Variants in PCDHA6 observed in about 807,000 individuals in gnomAD.
PCDHA6 encodes the protein protocadherin alpha 6, also known as protocadherin alpha-6.
Under a neutral mutation model 60.3 loss-of-function variants are expected in PCDHA6, and 55 were observed. The observed-to-expected ratio is 0.91, with a 90% CI of 0.73 to 1.14. PCDHA6 has a LOEUF of 1.14. PCDHA6 is among the 50% of genes most tolerant of loss of function. The pLI is 0.00. For missense variants in PCDHA6, 1,327 were observed against 1,256.5 expected, an observed-to-expected ratio of 1.06 and a Z score of -0.85; for synonymous variants, 652 against 557.9, an observed-to-expected ratio of 1.17 and a Z score of -2.38.
At chr5:140,895,339 T>C (rs1331642230) in intron 1 of PCDHA6, among the ~76,000 whole-genome samples, 3 of 152,196 alleles carry the variant, frequency 2.0e-5, no homozygotes, top group African/African-American at 4.8e-5. Context: ...ATTGTTTTAC[T>C]ATGCTTTCCA....
At chr5:140,870,720 G>T (rs544150374) in intron 1 of PCDHA6, 8 of 1,613,202 alleles carry the variant, frequency 5.0e-6, no homozygotes, top group Non-Finnish European at 6.8e-6. Flanking sequence ...CGCGCGATGC[G>T]GGCGTGCCGC....
At chr5:141,008,015 T>C (rs2098356412) in intron 3 of PCDHA6, among the ~76,000 whole-genome samples, 1 of 152,088 alleles carries the variant, frequency 6.6e-6, no homozygotes. Flanking sequence ...TTCTGTTTCC[T>C]TTTTTTTCTT....
chr5:140,936,151 C>T (rs947807537), intron 1 of PCDHA6, among the ~76,000 whole-genome samples: 66 of 152,246 alleles, frequency 4.3e-4, no homozygotes, highest in African/African-American at 1.5e-3. Context: ...CCTTGGCCTC[C>T]TAAAGTGCTG....
chr5:140,894,821 C>A (rs1303468240), intron 1 of PCDHA6, among the ~76,000 whole-genome samples: 1 of 151,806 alleles, frequency 6.6e-6, no homozygotes, highest in African/African-American at 2.4e-5. Flanking sequence ...TCAGATTTGC[C>A]CATAATCCTT....
rs1432182351 is a variant in PCDHA6 at position 140,843,140 on chromosome 5, C to T, written c.2394+12655C>T. 4 of 1,596,022 alleles carry T rather than the reference C, an allele frequency of 2.5e-6. No homozygotes were observed. The East Asian group carries it at 8.9e-5, about 36-fold the overall frequency. On this transcript the variant is annotated intron_variant, in intron 1 of 3. Transcript: ENST00000529310. The stretch of plus-strand genomic sequence containing the variant: ...CGCCGACTCGGGCTACAACGCGTGG[C>T]TTTCGTATGAGCTGCAGCCAGCTGC...
At chr5:140,876,808 G>T in intron 1 of PCDHA6, 1 of 1,614,222 alleles carries the variant, frequency 6.2e-7, no homozygotes, top group Non-Finnish European at 8.5e-7. Flanking sequence ...CGTGGAGGTG[G>T]CCGACGTGAA....
chr5:140,993,033 T>C (rs1315226376), intron 3 of PCDHA6, among the ~76,000 whole-genome samples: 2 of 152,158 alleles, frequency 1.3e-5, no homozygotes, highest in African/African-American at 4.8e-5. Context: ...GTGGGCTCCG[T>C]GTGTCATCAA....
At chr5:140,883,911 A>G (rs2059884661) in intron 1 of PCDHA6, 2 of 1,613,034 alleles carry the variant, frequency 1.2e-6, no homozygotes, top group Non-Finnish European at 8.5e-7. Flanking sequence ...CTGGGCAGCA[A>G]CGTGACGCTG....
In PCDHA6 at chr5:140,836,084, G is replaced by A. The variant is rs141420166; in HGVS notation, c.2394+5599G>A. On this transcript the variant is annotated intron_variant, in intron 1 of 3. Transcript: ENST00000529310. Reference sequence around the variant, plus strand: ...ACGACAACGCGCCGGCACTGCTGGCGCCTCGGGTGGGTGGCACTGGTGGCG... The same window carrying A: ...ACGACAACGCGCCGGCACTGCTGGCACCTCGGGTGGGTGGCACTGGTGGCG... The A allele has an allele frequency of 2.8e-5, 45 of 1,613,684 alleles. 1 individual carries two copies. The highest frequency in any genetic ancestry group is 3.6e-5 in the Non-Finnish European group (43 of 1,179,784).
intron 1 of PCDHA6, among the ~76,000 whole-genome samples, chr5:140,837,994 C>A (rs1460349736): frequency 2.0e-5 from 3 of 150,494 alleles, no homozygotes. Context: ...TTCATCTTTC[C>A]TTTTTTTTAA....
rs1013599044 is a variant in PCDHA6, at chr5:140,900,058, C to T, written c.2394+69573C>T. ...TTCCTGGGCTCAAGTGATCCTTTAACCTCAGCCTCCAAAAGTGCTGCAGTT... is the reference window on the plus strand; with the variant it reads ...TTCCTGGGCTCAAGTGATCCTTTAATCTCAGCCTCCAAAAGTGCTGCAGTT... On this transcript the variant is annotated intron_variant, in intron 1 of 3. Coordinates refer to ENST00000529310, the MANE Select transcript of PCDHA6 (RefSeq NM_018909.4). Among the ~76,000 whole-genome samples the T allele has an allele frequency of 2.0e-5, 3 of 152,160 alleles. 1 individual carries two copies. Among genetic ancestry groups the T allele is most frequent in the Non-Finnish European group, 1.5e-5 (1 of 68,028 alleles).
intron 1 of PCDHA6, chr5:140,883,561 C>T: frequency 1.2e-6 from 2 of 1,614,156 alleles, no homozygotes; most frequent in Non-Finnish European, 1.7e-6. Flanking sequence ...GGGACGGGGG[C>T]TCGCCTTCGC....
At chr5:140,920,239 A>G (rs1584173491) in intron 1 of PCDHA6, among the ~76,000 whole-genome samples, 1 of 152,356 alleles carries the variant, frequency 6.6e-6, no homozygotes, top group Middle Eastern at 3.4e-3. Context: ...TATATACCCA[A>G]CAATACATCG....
Position 140,850,211 on chromosome 5 carries a change from C to A in PCDHA6, c.2394+19726C>A, listed in dbSNP as rs2150473492. The stretch of plus-strand genomic sequence containing the variant: ...CGCTGCTGACACCTCGGATGAGGGG[C>A]ACTGACGGCGCAGTGAGCGAGATGG... On this transcript the variant is annotated intron_variant, in intron 1 of 3. Coordinates refer to ENST00000529310, the MANE Select transcript of PCDHA6 (RefSeq NM_018909.4). The A allele has an allele frequency of 5.0e-6, 8 of 1,593,540 alleles. 1 individual carries two copies. Among genetic ancestry groups the A allele is most frequent in the Non-Finnish European group, 6.0e-6 (7 of 1,167,626 alleles).
At position 140,859,346 on chromosome 5, in the gene PCDHA6, T is replaced by G. The variant is rs978302846; in HGVS notation, c.2394+28861T>G. On this transcript the variant is annotated intron_variant, in intron 1 of 3. Transcript: ENST00000529310. ...AGGAGAAAATAAAATTAATGTTTTCTACTGATCTGATATATTGTATAGTTT... is the reference window on the plus strand; with the variant it reads ...AGGAGAAAATAAAATTAATGTTTTCGACTGATCTGATATATTGTATAGTTT... 7 of 128,770 alleles carry G rather than the reference T, an allele frequency of 5.4e-5. 1 individual carries two copies. In the Admixed American group the frequency reaches 5.5e-4, roughly 10 times the overall value. 8.0% of individuals were successfully genotyped at this position (128,770 alleles called of 1,614,324 possible).
At chr5:140,884,204 C>T in intron 1 of PCDHA6, 1 of 1,613,500 alleles carries the variant, frequency 6.2e-7, no homozygotes, top group Non-Finnish European at 8.5e-7. Flanking sequence ...GCCGCACCAC[C>T]GCCTTCTGGT....
At chr5:140,840,225 A>G (rs1261642002) in intron 1 of PCDHA6, among the ~76,000 whole-genome samples, 2 of 152,034 alleles carry the variant, frequency 1.3e-5, no homozygotes, top group Non-Finnish European at 2.9e-5. Flanking sequence ...CATATGAGTA[A>G]ATGTGGAGAA....
Position 140,928,944 on chromosome 5 carries a change from A to C in PCDHA6, c.2395-50005A>C, listed in dbSNP as rs782627710. The C allele has an allele frequency of 6.2e-6, 10 of 1,614,070 alleles. No homozygotes were observed. In the Admixed American group the frequency reaches 1.7e-4, roughly 27 times the overall value. On this transcript the variant is annotated intron_variant, in intron 1 of 3. Transcript: ENST00000529310. ...AGCTTTCTGCCCAGAACTTGTATTTAGTAATTGCCTTGGCTTGTATTTCCT... is the reference window on the plus strand; with the variant it reads ...AGCTTTCTGCCCAGAACTTGTATTTCGTAATTGCCTTGGCTTGTATTTCCT...
rs2150357061 is a variant in PCDHA6, at chr5:140,843,307, G to C, written c.2394+12822G>C. On this transcript the variant is annotated intron_variant, in intron 1 of 3. Transcript: ENST00000529310. The stretch of plus-strand genomic sequence containing the variant: ...ATGGTGAACCTGCGCTGACCGCCAC[G>C]GCCACGGTTCTGGTGTCGCTGGTGG... 7 of 1,595,858 alleles carry C rather than the reference G, an allele frequency of 4.4e-6. 1 individual carries two copies. The highest frequency in any genetic ancestry group is 6.0e-6 in the Non-Finnish European group (7 of 1,165,566).
Sources: allele counts gnomAD v4.1 joint callset (sites outside exome capture counted in the v4.1 genomes callset), GRCh38; gene constraint gnomAD v4.1.1; transcripts MANE v1.5; gene names NCBI Gene and HGNC (gene_info 2026-07-23, HGNC 2026-07-21).